DSE: variants seen among roughly 807,000 people sequenced by gnomAD.
DSE encodes the protein dermatan sulfate epimerase, also known as dermatan-sulfate epimerase.
In DSE, 36 loss-of-function variants were observed where a neutral mutation model predicts 84.4. The observed-to-expected ratio is 0.43, with a 90% confidence interval of 0.33 to 0.56. DSE has a LOEUF of 0.56. DSE is among the 20% of genes least tolerant of loss of function. The pLI, the probability that DSE is intolerant of heterozygous loss-of-function variation, is 0.06. For synonymous variants in DSE, 410 were observed against 430.1 expected, an observed-to-expected ratio of 0.95 and a Z score of 0.58; for missense variants, 862 against 1,169.6, an observed-to-expected ratio of 0.74 and a Z score of 3.84.
chr6:116,381,267 G>T (rs1780204570), intron 1 of DSE, among the ~76,000 whole-genome samples: 1 of 152,086 alleles, frequency 6.6e-6, no homozygotes, highest in South Asian at 2.1e-4. Flanking sequence ...ATAAAGGAAT[G>T]AAATGTGAGT....
exon 2 of DSE, chr6:116,258,802 C>T (rs1772268532): frequency 2.5e-6 from 4 of 1,609,328 alleles, no homozygotes; most frequent in African/African-American, 2.7e-5. Context: ...AGGGTTCTCG[C>T]CTGTGAGCAG....
At chr6:116,377,893 A>G (rs1013677658) in intron 1 of DSE, among the ~76,000 whole-genome samples, 4 of 152,164 alleles carry the variant, frequency 2.6e-5, no homozygotes, top group African/African-American at 4.8e-5. Flanking sequence ...ACTATATCCA[A>G]TGAATTTCTA....
At chr6:116,336,857 C>G (rs1777285541) in intron 2 of DSE, among the ~76,000 whole-genome samples, 1 of 151,682 alleles carries the variant, frequency 6.6e-6, no homozygotes, top group Admixed American at 6.6e-5. Context: ...GTCTTTGTAG[C>G]AAAAAATATT....
intron 2 of DSE, among the ~76,000 whole-genome samples, chr6:116,338,315 C>T (rs1281148760): frequency 2.7e-5 from 4 of 150,410 alleles, no homozygotes; most frequent in Non-Finnish European, 4.4e-5. Context: ...CTCTGCCTCC[C>T]GGGTTCAAGC....
At chr6:116,396,037 G>T (rs1781231745) in intron 1 of DSE, among the ~76,000 whole-genome samples, 1 of 152,120 alleles carries the variant, frequency 6.6e-6, no homozygotes, top group African/African-American at 2.4e-5. Flanking sequence ...TTCCTAGAGG[G>T]ACTTTTTTTC....
chr6:116,363,715 A>T (rs1424849259), intron 2 of DSE, among the ~76,000 whole-genome samples: 3 of 152,218 alleles, frequency 2.0e-5, no homozygotes, highest in African/African-American at 7.2e-5. Context: ...AAATTACATC[A>T]TAAGTAAAAC....
chr6:116,298,294 G>T (rs907877885), intron 2 of DSE, among the ~76,000 whole-genome samples: 1 of 152,178 alleles, frequency 6.6e-6, no homozygotes, highest in African/African-American at 2.4e-5. Flanking sequence ...GGGAATTAAG[G>T]TTGCAGGTGG....
At chr6:116,434,307 C>G (rs1784024984) in intron 5 of DSE, among the ~76,000 whole-genome samples, 2 of 152,090 alleles carry the variant, frequency 1.3e-5, no homozygotes, top group Non-Finnish European at 2.9e-5. Flanking sequence ...TTGAAATTTG[C>G]ATTCAACTCC....
intron 2 of DSE, among the ~76,000 whole-genome samples, chr6:116,322,937 T>C (rs1235274669): frequency 6.6e-6 from 1 of 152,242 alleles, no homozygotes; most frequent in East Asian, 1.9e-4. Context: ...TAGAGAGCAT[T>C]TTTTTGCTTC....
intron 2 of DSE, among the ~76,000 whole-genome samples, chr6:116,329,197 C>G (rs1266030702): frequency 6.6e-6 from 1 of 152,168 alleles, no homozygotes; most frequent in African/African-American, 2.4e-5. Flanking sequence ...TGCACATGGA[C>G]TCAGCTATAC....
chr6:116,429,901 G>T (rs1783704669), intron 3 of DSE, among the ~76,000 whole-genome samples: 1 of 14,548 alleles, frequency 6.9e-5, no homozygotes, highest in African/African-American at 5.2e-4. Context: ...GCAGTGAGCC[G>T]AGATTGCGCC....
At chr6:116,389,589 A>G (rs1562274512) in intron 1 of DSE, among the ~76,000 whole-genome samples, 1 of 152,222 alleles carries the variant, frequency 6.6e-6, no homozygotes. Context: ...GTATTGCAGG[A>G]AGAAAAATTT....
intron 2 of DSE, among the ~76,000 whole-genome samples, chr6:116,401,885 TTAC>T (rs1251553909): frequency 2.6e-5 from 4 of 151,496 alleles, no homozygotes; most frequent in Non-Finnish European, 1.5e-5. Flanking sequence ...AAACTAGCTG[TTAC>T]TTACAAAAGA....
At chr6:116,354,557 G>A (rs1778480326) in intron 2 of DSE, among the ~76,000 whole-genome samples, 1 of 152,184 alleles carries the variant, frequency 6.6e-6, no homozygotes, top group African/African-American at 2.4e-5. Flanking sequence ...AGGGGCTCAA[G>A]AAACTTGCTT....
intron 2 of DSE, 159 bp downstream of exon 2, chr6:116,399,825 C>A: frequency 1.5e-6 from 1 of 660,144 alleles, no homozygotes; most frequent in Non-Finnish European, 2.5e-6. Context: ...ATGAATGGCC[C>A]TTAGTTTCAA....
intron 2 of DSE, among the ~76,000 whole-genome samples, chr6:116,417,169 C>T (rs111849953): frequency 2.0e-5 from 3 of 152,308 alleles, no homozygotes; most frequent in African/African-American, 7.2e-5. Context: ...TTCTTCCTCT[C>T]ACCTTTTGTA....
chr6:116,282,582 C>G (rs1360956312), intron 2 of DSE, among the ~76,000 whole-genome samples: 2 of 151,912 alleles, frequency 1.3e-5, no homozygotes, highest in Admixed American at 6.6e-5. Flanking sequence ...CTCTTCTTGT[C>G]GAACATGTAT....
intron 2 of DSE, among the ~76,000 whole-genome samples, chr6:116,323,508 G>C (rs538051073): frequency 6.6e-6 from 1 of 152,170 alleles, no homozygotes; most frequent in African/African-American, 2.4e-5. Flanking sequence ...GTGCTATAGT[G>C]TGCTTTGTCT....
intron 2 of DSE, among the ~76,000 whole-genome samples, chr6:116,328,262 G>A (rs185909801): frequency 6.6e-6 from 1 of 152,318 alleles, no homozygotes; most frequent in East Asian, 1.9e-4. Context: ...GTTTTTTCCA[G>A]TTATTTCACT....
Sources: allele counts gnomAD v4.1 joint callset (sites outside exome capture counted in the v4.1 genomes callset), GRCh38; gene constraint gnomAD v4.1.1; transcripts MANE v1.5; gene names NCBI Gene and HGNC (gene_info 2026-07-23, HGNC 2026-07-21).